KMT2E: variants seen among roughly 807,000 people sequenced by gnomAD.
KMT2E encodes the protein lysine methyltransferase 2E (inactive).
A neutral mutation model predicts 184.6 loss-of-function variants in KMT2E; 30 were observed. The observed-to-expected ratio is 0.16, with a 90% confidence interval of 0.12 to 0.22. KMT2E has a LOEUF of 0.22. KMT2E is among the 10% of genes least tolerant of loss of function. KMT2E has a pLI of 1.00. For missense variants in KMT2E, 2,023 were observed against 2,237.4 expected (o/e 0.90, Z 1.93); for synonymous variants, 815 against 776.5 (o/e 1.05, Z -0.82).
chr7:105,103,002 G>A (rs1798721770), intron 17 of KMT2E: 1 of 152,114 alleles, frequency 6.6e-6, no homozygotes, highest in Admixed American at 6.5e-5. Context: ...AAAGTCGCAG[G>A]TTTCATTAGA....
chr7:105,101,481 G>A lies in KMT2E; in HGVS notation c.1779G>A (p.Lys593=), dbSNP rs756826193. The change falls in exon 16 of 27, where the codon AAG becomes AAA. Residue 593 remains lysine, a synonymous_variant. Transcript: ENST00000311117. Reference sequence around the variant, plus strand: ...TGCAAGCTTTTGCCAGACTTGAAAAGAGAGAGAAAAGAAGAGAACAAGCTT... The same window carrying A: ...TGCAAGCTTTTGCCAGACTTGAAAAAAGAGAGAAAAGAAGAGAACAAGCTT... The part of the protein sequence containing the change: ...AILQAFARLE[K]REKRREQALE... The A allele has an allele frequency of 3.9e-5, 62 of 1,585,064 alleles. No individual in the cohort carries two copies. In the Admixed American group the frequency reaches 6.3e-4, roughly 16 times the overall value.
intron 13 of KMT2E, 49 bp downstream of exon 13, chr7:105,081,846 A>C (rs1405739980): frequency 1.3e-6 from 1 of 759,888 alleles, no homozygotes; most frequent in African/African-American, 1.8e-5. Context: ...ATAGTTCCAT[A>C]ATGTCCCTGT....
intron 1 of KMT2E, among the ~76,000 whole-genome samples, chr7:105,029,026 A>G (rs1795289058): frequency 6.6e-6 from 1 of 152,066 alleles, no homozygotes; most frequent in Non-Finnish European, 1.5e-5. Flanking sequence ...GCACTTTGGG[A>G]GGACGAGGTA....
Position 105,028,986 on chromosome 7 carries a change from C to T in KMT2E, c.-188-9140C>T, listed in dbSNP as rs181358458. On this transcript the variant is annotated intron_variant, in intron 1 of 26. Coordinates refer to ENST00000311117, the MANE Select transcript of KMT2E (RefSeq NM_182931.3). ...CTGCTTAAGAAAACTACTCTAAGGC[C>T]GGGCACGGTGGCTCATGTCTATAAT... Among the ~76,000 whole-genome samples, 551 of 152,070 alleles carry T rather than the reference C, an allele frequency of 3.6e-3. 3 individuals carry two copies. The highest frequency in any genetic ancestry group is 6.3e-3 in the Non-Finnish European group (429 of 67,990).
intron 6 of KMT2E, among the ~76,000 whole-genome samples, chr7:105,067,631 G>A (rs1306618414): frequency 6.6e-6 from 1 of 152,040 alleles, no homozygotes; most frequent in Non-Finnish European, 1.5e-5. Flanking sequence ...ATGTATTTGT[G>A]TGTATATATA....
At chr7:105,075,945 G>C in intron 8 of KMT2E, 98 bp from the exon 9 acceptor site, 3 of 904,810 alleles carry the variant, frequency 3.3e-6, no homozygotes, top group Non-Finnish European at 5.2e-6. Context: ...TTTTTGTTAT[G>C]ACACTTCAGT....
intron 1 of KMT2E, among the ~76,000 whole-genome samples, chr7:105,024,535 A>C (rs905429462): frequency 1.1e-4 from 17 of 152,286 alleles, no homozygotes; most frequent in Admixed American, 5.2e-4. Context: ...CAAGGACCTC[A>C]TGTATCAATT....
intron 11 of KMT2E, among the ~76,000 whole-genome samples, chr7:105,078,434 ACT>A (rs1480552140): frequency 1.3e-5 from 2 of 152,030 alleles, no homozygotes; most frequent in Admixed American, 6.6e-5. Flanking sequence ...AGTTTCTTAG[ACT>A]CTGTGTTCTT....
intron 1 of KMT2E, among the ~76,000 whole-genome samples, chr7:105,034,022 C>A (rs1472812608): frequency 6.6e-6 from 1 of 152,190 alleles, no homozygotes; most frequent in African/African-American, 2.4e-5. Flanking sequence ...ACCACAAGAG[C>A]CACCCACAGA....
intron 6 of KMT2E, among the ~76,000 whole-genome samples, chr7:105,068,781 C>CT (rs1470762223): frequency 1.1e-4 from 16 of 151,814 alleles, no homozygotes; most frequent in Admixed American, 2.6e-4. Flanking sequence ...GGCCATGTCT[C>CT]TATGTTAACT....
intron 22 of KMT2E, 106 bp downstream of exon 22, chr7:105,108,031 G>C: frequency 3.3e-6 from 2 of 609,474 alleles, no homozygotes; most frequent in Non-Finnish European, 4.7e-6. Context: ...TCTTAATTTA[G>C]TTATTAAAGT....
chr7:105,089,309 C>T (rs1798108781), intron 13 of KMT2E: 1 of 402,368 alleles, frequency 2.5e-6, no homozygotes, highest in Admixed American at 2.9e-5. Flanking sequence ...GGCAATTCTC[C>T]TGCCTTAGCC....
chr7:105,102,932 A>C (rs1798717539), intron 17 of KMT2E: 1 of 152,220 alleles, frequency 6.6e-6, no homozygotes, highest in Non-Finnish European at 1.5e-5. Context: ...ACATTTAGTA[A>C]AATTCTAGTA....
chr7:105,109,285 C>T (rs1393253668), intron 23 of KMT2E, 57 bp downstream of exon 23: 5 of 1,534,578 alleles, frequency 3.3e-6, no homozygotes, highest in Non-Finnish European at 4.4e-6. Context: ...TTCAAGTATT[C>T]TTCCTATTTG....
intron 1 of KMT2E, among the ~76,000 whole-genome samples, chr7:105,017,057 T>G (rs1222848870): frequency 6.6e-6 from 1 of 152,234 alleles, no homozygotes; most frequent in East Asian, 1.9e-4. Flanking sequence ...AGCAAGTATT[T>G]AAGTCCAGAT....
chr7:105,091,386 A>G (rs1798198709), intron 15 of KMT2E, 72 bp downstream of exon 15: 2 of 836,400 alleles, frequency 2.4e-6, no homozygotes, highest in African/African-American at 1.7e-5. Context: ...CTGCCTTTAC[A>G]TGGGCTTTTA....
intron 15 of KMT2E, among the ~76,000 whole-genome samples, chr7:105,100,787 T>C (rs1798622021): frequency 6.6e-6 from 1 of 152,170 alleles, no homozygotes; most frequent in Admixed American, 6.5e-5. Flanking sequence ...GTATTTTCTG[T>C]TGGAACCAAA....
intron 16 of KMT2E, 134 bp from the exon 17 acceptor site, chr7:105,101,752 T>C (rs76426333): frequency 1.0e-6 from 1 of 961,556 alleles, no homozygotes; most frequent in Non-Finnish European, 1.5e-6. Context: ...GACTATATAT[T>C]ATCTCTGTTC....
chr7:105,086,773 T>A (rs1562918132), intron 13 of KMT2E, among the ~76,000 whole-genome samples: 1 of 145,282 alleles, frequency 6.9e-6, no homozygotes, highest in East Asian at 2.0e-4. Context: ...TATAAATATA[T>A]ATAAAATAAA....
Sources: gnomAD v4.1 joint callset for allele counts (sites outside exome capture counted in the v4.1 genomes callset) on GRCh38, gnomAD v4.1.1 for gene constraint, MANE v1.5 for transcripts, NCBI Gene and HGNC (gene_info 2026-07-23, HGNC 2026-07-21) for gene names.